The following TIMD4 variants were observed in gnomAD, a reference collection of about 807,000 sequenced individuals.
TIMD4 encodes the protein T cell immunoglobulin and mucin domain containing 4, also known as T-cell immunoglobulin and mucin domain-containing protein 4.
TIMD4 carries 31 observed loss-of-function variants against 41.2 expected under a neutral mutation model. The ratio of observed to expected loss-of-function variants is 0.75; its 90% CI spans 0.57 to 1.01. The LOEUF is 1.01. TIMD4 is among the 50% of genes least tolerant of loss of function. The pLI, the probability that TIMD4 is intolerant of heterozygous loss-of-function variation, is 0.00. For synonymous variants in TIMD4, 204 were observed against 177.1 expected (o/e 1.15, Z -1.21); for missense variants, 479 against 472.5 (o/e 1.01, Z -0.13).
At chr5:156,931,998 T>C (rs1351928081) in intron 5 of TIMD4, among the ~76,000 whole-genome samples, 1 of 152,162 alleles carries the variant, frequency 6.6e-6, no homozygotes, top group Non-Finnish European at 1.5e-5. Flanking sequence ...AGTATTCTTT[T>C]AAAAGGATAT....
chr5:156,956,723 C>T (rs1417354290), intron 1 of TIMD4, among the ~76,000 whole-genome samples: 1 of 152,234 alleles, frequency 6.6e-6, no homozygotes, highest in Admixed American at 6.5e-5. Flanking sequence ...CCCAAAAATG[C>T]TATTGAAGTG....
intron 4 of TIMD4, among the ~76,000 whole-genome samples, chr5:156,949,367 G>C (rs543441054): frequency 4.6e-5 from 7 of 152,148 alleles, no homozygotes; most frequent in Middle Eastern, 3.4e-3. Flanking sequence ...TGTACCATGA[G>C]CTACTGCAGA....
chr5:156,942,511 C>T (rs1049675637), intron 5 of TIMD4, among the ~76,000 whole-genome samples: 18 of 152,188 alleles, frequency 1.2e-4, no homozygotes, highest in South Asian at 2.1e-4. Flanking sequence ...CCCTGAAATG[C>T]GGATGTGAGT....
At chr5:156,920,310 A>T (rs186576158) in intron 8 of TIMD4, among the ~76,000 whole-genome samples, 154 bp downstream of exon 8, 232 of 152,310 alleles carry the variant, frequency 1.5e-3, no homozygotes, top group Non-Finnish European at 2.9e-3. Flanking sequence ...ATGTGAGCTA[A>T]ATCTGCACAA....
rs1231932284 is a variant in TIMD4 at position 156,949,635 on chromosome 5, G to T, written c.760+16C>A. ...CAAAGGGTGAGGGAGGACAGAGAGAGTGAGTGTCTGCACACCTTTGGATGT... is the reference window on the plus strand; with the variant it reads ...CAAAGGGTGAGGGAGGACAGAGAGATTGAGTGTCTGCACACCTTTGGATGT... On this transcript the variant is annotated intron_variant, in intron 4 of 8. Transcript: ENST00000274532. The T allele has an allele frequency of 6.3e-7, 1 of 1,596,022 alleles. No individual in the cohort carries two copies. Among genetic ancestry groups the T allele is most frequent in the Non-Finnish European group, 8.6e-7 (1 of 1,164,856 alleles).
At chr5:156,931,657 G>A (rs1055803594) in intron 5 of TIMD4, among the ~76,000 whole-genome samples, 5 of 152,192 alleles carry the variant, frequency 3.3e-5, no homozygotes, top group African/African-American at 7.2e-5. Flanking sequence ...TTTCTAGCTT[G>A]TATTTTGGTC....
chr5:156,924,211 C>A, intron 6 of TIMD4: 2 of 435,260 alleles, frequency 4.6e-6, no homozygotes, highest in East Asian at 1.2e-4. Flanking sequence ...ACTTCCCTCC[C>A]CAAAATCCCA....
intron 1 of TIMD4, among the ~76,000 whole-genome samples, chr5:156,961,737 A>T (rs1055031024): frequency 1.5e-5 from 2 of 135,038 alleles, no homozygotes; most frequent in Admixed American, 8.8e-5. Flanking sequence ...CAGGAGGCAG[A>T]GCTTGCAGTG....
chr5:156,925,956 T>C (rs1759339975), intron 6 of TIMD4, among the ~76,000 whole-genome samples: 1 of 152,248 alleles, frequency 6.6e-6, no homozygotes, highest in Non-Finnish European at 1.5e-5. Flanking sequence ...CAGGCTGGAG[T>C]GCAATAGCGC....
intron 1 of TIMD4, among the ~76,000 whole-genome samples, chr5:156,961,288 T>A (rs1158098064): frequency 6.6e-6 from 1 of 152,174 alleles, no homozygotes; most frequent in Non-Finnish European, 1.5e-5. Context: ...GGTGGGAATG[T>A]AAATTACTAC....
At chr5:156,923,122 T>G (rs541849662) in intron 6 of TIMD4, among the ~76,000 whole-genome samples, 17 of 151,130 alleles carry the variant, frequency 1.1e-4, no homozygotes, top group African/African-American at 3.9e-4. Context: ...GGGCTCAAGC[T>G]CCTGCCATTG....
At chr5:156,955,068 C>G (rs1303756671) in intron 1 of TIMD4, among the ~76,000 whole-genome samples, 1 of 152,028 alleles carries the variant, frequency 6.6e-6, no homozygotes, top group African/African-American at 2.4e-5. Context: ...TTTGTACAGA[C>G]AGGGTTTCCC....
chr5:156,946,563 G>A (rs762233523), intron 5 of TIMD4, among the ~76,000 whole-genome samples: 42 of 152,026 alleles, frequency 2.8e-4, no homozygotes, highest in African/African-American at 3.9e-4. Flanking sequence ...TGCAAGCTCC[G>A]CCTCCCAGGT....
intron 5 of TIMD4, among the ~76,000 whole-genome samples, chr5:156,940,474 C>T (rs868566223): frequency 2.1e-4 from 31 of 150,904 alleles, no homozygotes; most frequent in South Asian, 8.4e-4. Context: ...AAGTGAGGAG[C>T]GCCTCTTCCC....
At chr5:156,942,305 G>A (rs1201554274) in intron 5 of TIMD4, among the ~76,000 whole-genome samples, 3 of 152,178 alleles carry the variant, frequency 2.0e-5, no homozygotes, top group Non-Finnish European at 2.9e-5. Context: ...GCCCATCTGG[G>A]AACAAAGACC....
At chr5:156,937,190 C>T (rs1202412993) in intron 5 of TIMD4, among the ~76,000 whole-genome samples, 1 of 152,060 alleles carries the variant, frequency 6.6e-6, no homozygotes, top group Non-Finnish European at 1.5e-5. Context: ...CCATATCTTG[C>T]CCAAGGCTGC....
chr5:156,920,841 A>C (rs1759223426), intron 7 of TIMD4, among the ~76,000 whole-genome samples: 1 of 152,208 alleles, frequency 6.6e-6, no homozygotes, highest in African/African-American at 2.4e-5. Context: ...CAAAACTGTA[A>C]TCATGCCTTT....
chr5:156,933,256 C>T (rs760471799), intron 5 of TIMD4, among the ~76,000 whole-genome samples: 2 of 152,008 alleles, frequency 1.3e-5, no homozygotes, highest in Non-Finnish European at 2.9e-5. Flanking sequence ...GTGACTCATG[C>T]CTGTAATTCT....
intron 1 of TIMD4, among the ~76,000 whole-genome samples, chr5:156,956,001 G>A (rs7734895): frequency 0.035 from 5,292 of 152,206 alleles, 234 homozygotes; most frequent in African/African-American, 0.1. Flanking sequence ...AAATCTATTA[G>A]CAATTTTGAA....
Sources: allele counts gnomAD v4.1 joint callset (sites outside exome capture counted in the v4.1 genomes callset), GRCh38; gene constraint gnomAD v4.1.1; transcripts MANE v1.5; gene names NCBI Gene and HGNC (gene_info 2026-07-23, HGNC 2026-07-21).